Variants in KCNK5 observed in about 807,000 individuals in gnomAD.
KCNK5 encodes the protein potassium channel subfamily K member 5.
A neutral mutation model predicts 32.9 loss-of-function variants in KCNK5; 18 were observed. The ratio of observed to expected loss-of-function variants is 0.55; its 90% CI spans 0.38 to 0.81. The LOEUF is 0.81. Ranked by LOEUF, KCNK5 falls within the 30% of genes least tolerant of loss-of-function variation. The pLI, the probability that KCNK5 is intolerant of heterozygous loss-of-function variation, is 0.00. For synonymous variants in KCNK5, 276 were observed against 275.3 expected (o/e 1.00, Z -0.03); for missense variants, 507 against 651.0 (o/e 0.78, Z 2.41).
Position 39,194,516 on chromosome 6 carries a change from T to A in KCNK5, c.465+78A>T, listed in dbSNP as rs1770995050. On this transcript the variant is annotated intron_variant, in intron 3 of 4. Transcript: ENST00000359534. This position sits in a 1 kb window ranked among gnomAD's most constrained non-coding sequence, Gnocchi z 4.7. ...ATCTGTCCTTACACCCTTGGTCCAA[T>A]TCCTAGAGGCCTCCTGTCCTCCCCT... The A allele has an allele frequency of 6.5e-7, 1 of 1,535,376 alleles. No homozygotes were observed. Among genetic ancestry groups the A allele is most frequent in the Non-Finnish European group, 8.9e-7 (1 of 1,126,648 alleles).
rs1205158217 is a variant in KCNK5 at position 39,194,650 on chromosome 6, AG to A, written c.408del (p.Phe137SerfsTer8). 6.2e-7 allele frequency: 1 copy of A among 1,614,168 alleles called. No homozygotes were observed. Among genetic ancestry groups the A allele is most frequent in the South Asian group, 1.1e-5 (1 of 91,082 alleles). On this transcript the variant is annotated frameshift_variant, in exon 3 of 5. Coordinates refer to ENST00000359534, the MANE Select transcript of KCNK5 (RefSeq NM_003740.4). LOFTEE classifies it high-confidence loss of function. This position sits in a 1 kb window ranked among gnomAD's most constrained non-coding sequence, Gnocchi z 4.7. ...CCTAGTCTCTTGGCACGTCCCCCGA[AG>A]AACTTGCCCAGGGCACTGATCCACG... ...CLTWISALGK[F>X]FGGRAKRLGQ...
intron 1 of KCNK5, among the ~76,000 whole-genome samples, chr6:39,200,341 C>T (rs779063475): frequency 1.3e-4 from 20 of 152,172 alleles, no homozygotes; most frequent in Non-Finnish European, 2.2e-4. Context: ...TCTCCATCAC[C>T]GTCACCATAA....
rs769423069 is a variant in KCNK5, at chr6:39,194,559, C to T, written c.465+35G>A. ...CCTCCCCTCACCTGTCATGGTTCCC[C>T]CATCTCTGCCCAACACCCAGGGTAG... is the stretch of plus-strand genomic sequence containing the variant. On this transcript the variant is annotated intron_variant, in intron 3 of 4. Coordinates refer to ENST00000359534, the MANE Select transcript of KCNK5 (RefSeq NM_003740.4). The surrounding 1 kb of genome is among the most constrained non-coding windows in gnomAD (Gnocchi z 4.7). 8.9e-5 allele frequency: 143 copies of T among 1,609,452 alleles called. No individual in the cohort carries two copies. Among genetic ancestry groups the T allele is most frequent in the Non-Finnish European group, 1.2e-4 (136 of 1,176,698 alleles).
intron 1 of KCNK5, among the ~76,000 whole-genome samples, chr6:39,214,681 AG>A (rs1365444900): frequency 5.9e-5 from 9 of 152,154 alleles, no homozygotes; most frequent in African/African-American, 2.2e-4. Flanking sequence ...AGAAGGGTGC[AG>A]ACCAGGCAAT....
chr6:39,191,531 C>T lies in KCNK5; in HGVS notation c.859G>A (p.Asp287Asn). The T allele has an allele frequency of 6.2e-7, 1 of 1,613,984 alleles. No homozygotes were observed. Among genetic ancestry groups the T allele is most frequent in the Non-Finnish European group, 8.5e-7 (1 of 1,180,020 alleles). ...LQVKGSTASK[D>N]VNIFSFLSKK... is the part of the protein sequence containing the mutation. ...GAAAGAAAGCTGAAGATGTTGACGT[C>T]CTTGGAGGCTGTGCTCCCCTTCACC... Residue 287 changes from aspartate to asparagine, a missense_variant, in exon 5 of 5, where the codon GAC becomes AAC. This residue lies in a region of KCNK5 where 42 missense variants were observed against 35.3 expected (regional missense o/e 1.19). Transcript: ENST00000359534. The surrounding 1 kb of genome is among the most constrained non-coding windows in gnomAD (Gnocchi z 5.8).
chr6:39,216,763 G>C (rs1198627425), intron 1 of KCNK5, among the ~76,000 whole-genome samples: 2 of 152,140 alleles, frequency 1.3e-5, no homozygotes. Context: ...GACTATCCTT[G>C]CTACCACCTC....
rs989975619 is a variant in KCNK5, at chr6:39,189,159, C to G, written c.*1731G>C. On this transcript the variant is annotated 3_prime_UTR_variant, in exon 5 of 5. Transcript: ENST00000359534. ...CCTGCTGGGTGGCGGCCTCTGCAAA[C>G]GGCTAGAGAAGTGGGGGTGTGGGCA... 6.6e-6 allele frequency: 1 copy of G among 152,246 alleles called. No individual in the cohort carries two copies. Among genetic ancestry groups the G allele is most frequent in the East Asian group, 1.9e-4 (1 of 5,200 alleles). The allele number at this position is 152,246 out of a possible 1,614,324, so 9.4% of individuals were successfully genotyped here.
intron 1 of KCNK5, among the ~76,000 whole-genome samples, chr6:39,220,680 A>G (rs1253626431): frequency 6.6e-6 from 1 of 152,140 alleles, no homozygotes; most frequent in Non-Finnish European, 1.5e-5. Context: ...GAGAAACTTG[A>G]TGGGTTTTAT....
intron 1 of KCNK5, among the ~76,000 whole-genome samples, chr6:39,208,750 CAA>C (rs1771275319): frequency 1.3e-5 from 2 of 152,210 alleles, no homozygotes; most frequent in African/African-American, 4.8e-5. Flanking sequence ...CAATTAGAGA[CAA>C]GAGCAAGATC....
rs536822481 is a variant in KCNK5 at position 39,229,165 on chromosome 6, C to G, written c.-54G>C. Reference sequence around the variant, plus strand: ...AGCCTCTCCTAGCCCCAGCTGCTACCAGTCCGCCCGCCCTCCAGCCTCTGA... The same window carrying G: ...AGCCTCTCCTAGCCCCAGCTGCTACGAGTCCGCCCGCCCTCCAGCCTCTGA... On this transcript the variant is annotated 5_prime_UTR_variant, in exon 1 of 5. Coordinates refer to ENST00000359534, the MANE Select transcript of KCNK5 (RefSeq NM_003740.4). 1.9e-6 allele frequency: 3 copies of G among 1,577,542 alleles called. No homozygotes were observed. The highest frequency in any genetic ancestry group is 4.5e-5 in the East Asian group (2 of 44,476).
intron 1 of KCNK5, among the ~76,000 whole-genome samples, chr6:39,214,606 A>G (rs982861729): frequency 1.3e-5 from 2 of 152,102 alleles, no homozygotes; most frequent in African/African-American, 2.4e-5. Context: ...AATTACCCTC[A>G]TGCTTGGTGC....
At chr6:39,203,611 C>A (rs1286962468) in intron 1 of KCNK5, among the ~76,000 whole-genome samples, 1 of 152,210 alleles carries the variant, frequency 6.6e-6, no homozygotes, top group Admixed American at 6.5e-5. Context: ...GGCAGCTTCT[C>A]TGAACTCTAG....
intron 1 of KCNK5, among the ~76,000 whole-genome samples, chr6:39,206,629 G>C (rs1771230578): frequency 6.6e-6 from 1 of 152,114 alleles, no homozygotes; most frequent in South Asian, 2.1e-4. Flanking sequence ...ACACAAGCTG[G>C]GCTGGCCAGT....
At chr6:39,192,307 A>AAAAAAC in intron 4 of KCNK5, among the ~76,000 whole-genome samples, 3 of 151,166 alleles carry the variant, frequency 2.0e-5, no homozygotes, top group Non-Finnish European at 4.4e-5. Flanking sequence ...AAAAAAAAAA[A>AAAAAAC]AGTCAAGACA....
At chr6:39,200,410 G>A (rs747124225) in intron 1 of KCNK5, among the ~76,000 whole-genome samples, 3 of 152,122 alleles carry the variant, frequency 2.0e-5, no homozygotes, top group African/African-American at 4.8e-5. Context: ...AGCATTTTAT[G>A]TGCCTTTAGC....
chr6:39,221,603 C>T (rs2815117), intron 1 of KCNK5, among the ~76,000 whole-genome samples: 148,204 of 152,294 alleles, frequency 0.97, 72,241 homozygotes, highest in East Asian at 1. Flanking sequence ...TTCTTCTAAG[C>T]GCAGAAGTAA....
intron 1 of KCNK5, among the ~76,000 whole-genome samples, chr6:39,200,145 G>A (rs1771112008): frequency 6.6e-6 from 1 of 152,230 alleles, no homozygotes; most frequent in Non-Finnish European, 1.5e-5. Context: ...CGTCCTCGGG[G>A]TTAGGGAAAC....
intron 1 of KCNK5, among the ~76,000 whole-genome samples, chr6:39,204,065 A>G (rs1771177249): frequency 6.6e-6 from 1 of 152,224 alleles, no homozygotes; most frequent in African/African-American, 2.4e-5. Context: ...TGTCTCTCCC[A>G]GGGAAGGAGC....
At position 39,195,859 on chromosome 6, in the gene KCNK5, G is replaced by T. The variant is rs754175906; in HGVS notation, c.298+17C>A. 6.3e-7 allele frequency: 1 copy of T among 1,596,340 alleles called. No homozygotes were observed. Among genetic ancestry groups the T allele is most frequent in the South Asian group, 1.1e-5 (1 of 90,220 alleles). On this transcript the variant is annotated intron_variant, in intron 2 of 4. Coordinates refer to ENST00000359534, the MANE Select transcript of KCNK5 (RefSeq NM_003740.4). ...AGGGCATGGATGTGGGTGTCCTACA[G>T]GTCCCAGAAGACTTACCAATGGTGG...
Sources: allele counts gnomAD v4.1 joint callset (sites outside exome capture counted in the v4.1 genomes callset), GRCh38; gene constraint gnomAD v4.1.1; regional missense constraint gnomAD v4.1.1; non-coding constraint Gnocchi (gnomAD v3.1); transcripts MANE v1.5; gene names NCBI Gene and HGNC (gene_info 2026-07-23, HGNC 2026-07-21).